CFAP65: variants seen among roughly 807,000 people sequenced by gnomAD.
The protein encoded by CFAP65 is cilia and flagella associated protein 65, also known as cilia- and flagella-associated protein 65.
CFAP65 carries 155 observed loss-of-function variants against 208.0 expected under a neutral mutation model. The ratio of observed to expected loss-of-function variants is 0.75; its 90% CI spans 0.65 to 0.85. The LOEUF (loss-of-function observed/expected upper bound fraction) is 0.85. Ranked by LOEUF, CFAP65 falls within the 40% of genes least tolerant of loss-of-function variation. CFAP65 has a pLI of 0.00. For missense variants in CFAP65, 2,294 were observed against 2,451.3 expected, an observed-to-expected ratio of 0.94 and a Z score of 1.36; for synonymous variants, 970 against 986.3, an observed-to-expected ratio of 0.98 and a Z score of 0.31.
intron 15 of CFAP65, 78 bp downstream of exon 15, chr2:219,023,937 A>G (rs1947440266): frequency 1.3e-6 from 2 of 1,526,368 alleles, no homozygotes; most frequent in African/African-American, 2.8e-5. Flanking sequence ...GGCCAACCCC[A>G]GAATATGGCC....
rs1346015344 is a variant in CFAP65 at position 219,013,586 on chromosome 2, C to T, written c.3780-1G>A. ...GTGATCAGTACCGATGAACAGGTGG[C>T]TAGAAAGAAACAGATAAGTCTGGGA... On this transcript the variant is annotated splice_acceptor_variant, in intron 22 of 34. Coordinates refer to ENST00000341552, the MANE Select transcript of CFAP65 (RefSeq NM_194302.4). LOFTEE classifies it high-confidence loss of function. The T allele has an allele frequency of 6.3e-7, 1 of 1,596,734 alleles. No individual in the cohort carries two copies. Among genetic ancestry groups the T allele is most frequent in the Admixed American group, 1.8e-5 (1 of 55,804 alleles).
intron 2 of CFAP65, among the ~76,000 whole-genome samples, chr2:219,039,494 C>T (rs1948554465): frequency 6.6e-6 from 1 of 152,216 alleles, no homozygotes; most frequent in Non-Finnish European, 1.5e-5. Flanking sequence ...TGGTTCATCT[C>T]TGATTTCCCT....
At chr2:219,039,112 C>G in intron 2 of CFAP65, 62 bp from the exon 3 acceptor site, 1 of 1,418,714 alleles carries the variant, frequency 7.0e-7, no homozygotes. Flanking sequence ...TCCTCGATGA[C>G]TGTAGCTGAA....
Position 219,029,686 on chromosome 2 carries a change from G to T in CFAP65, c.1385-18C>A. ...AGCAGGGCCTGGACACAGGAGATGG[G>T]GTATCAGCTTCCCCAAGGATATCTT... On this transcript the variant is annotated intron_variant, in intron 10 of 34. Transcript: ENST00000341552. 6.2e-7 allele frequency: 1 copy of T among 1,607,762 alleles called. No homozygotes were observed. The highest frequency in any genetic ancestry group is 8.5e-7 in the Non-Finnish European group (1 of 1,175,520).
rs1945746387 is a variant in CFAP65 at position 219,003,786 on chromosome 2, G to A, written c.5555+166C>T. On this transcript the variant is annotated intron_variant, in intron 33 of 34. Coordinates refer to ENST00000341552, the MANE Select transcript of CFAP65 (RefSeq NM_194302.4). This position sits in a 1 kb window ranked among gnomAD's most constrained non-coding sequence, Gnocchi z 4.4. ...AGAATAAAGTTCAGTGTTGGTGCCG[G>A]GCGGATACTCCCACAGAGGCCTTAA... 6.6e-6 allele frequency among the ~76,000 whole-genome samples: 1 copy of A among 152,148 alleles called. No individual in the cohort carries two copies. The highest frequency in any genetic ancestry group is 2.4e-5 in the African/African-American group (1 of 41,414).
Position 219,029,500 on chromosome 2 carries a change from G to A in CFAP65, c.1553C>T (p.Thr518Met), listed in dbSNP as rs372714264. ...GGTCATACGGGCCTTGCCCACCAGC[G>A]TCCCAAAGGCAGGCCTGATGGTAAA... ...SVFTIRPAFG[T>M]LVGKARMTLH... Residue 518 changes from threonine (T) to methionine (M), a missense_variant, in exon 11 of 35, where the codon ACG becomes ATG. Thr to Met is a moderately conservative substitution (Grantham distance 81, BLOSUM62 -1). This residue lies in a region of CFAP65 where 867 missense variants were observed against 1,012.6 expected (regional missense o/e 0.86). Coordinates refer to ENST00000341552, the MANE Select transcript of CFAP65 (RefSeq NM_194302.4). 3.3e-5 allele frequency: 53 copies of A among 1,613,958 alleles called. No homozygotes were observed. Among genetic ancestry groups the A allele is most frequent in the African/African-American group, 1.2e-4 (9 of 74,890 alleles).
At chr2:219,039,144 C>T (rs374451157) in intron 2 of CFAP65, 94 bp from the exon 3 acceptor site, 23 of 1,132,986 alleles carry the variant, frequency 2.0e-5, no homozygotes, top group African/African-American at 1.2e-4. Flanking sequence ...ATATATGTGG[C>T]ACATATATTT....
At chr2:219,019,437 G>A (rs545907021) in intron 20 of CFAP65, 69 bp downstream of exon 20, 162 of 1,355,102 alleles carry the variant, frequency 1.2e-4, no homozygotes, top group Non-Finnish European at 1.6e-4. Flanking sequence ...AGTCTGGGCA[G>A]AAAGCTCCAT....
At chr2:219,027,186 T>G (rs1947687006) in intron 13 of CFAP65, 1 of 1,238,328 alleles carries the variant, frequency 8.1e-7, no homozygotes, top group Admixed American at 3.9e-5. Flanking sequence ...CAGCCGGCAC[T>G]CGGAGTTCCC....
chr2:219,013,457 T>C (rs550758420), intron 23 of CFAP65, 62 bp downstream of exon 23: 2 of 1,556,618 alleles, frequency 1.3e-6, no homozygotes, highest in African/African-American at 2.7e-5. Flanking sequence ...TCCCTGCTCC[T>C]GTCCAGCCAG....
rs1946411621 is a variant in CFAP65 at position 219,010,678 on chromosome 2, T to A, written c.4176A>T (p.Gly1392=). ...GGAAGTGGATGAGGGCCGAGTTCCA[T>A]CCCAGGATGTGTATGGGCACGTCCA... is the stretch of plus-strand genomic sequence containing the variant. The part of the protein sequence containing the change: ...YTVDVPIHIL[G]WNSALIHFQG... Residue 1392 remains glycine (G), a synonymous_variant, in exon 26 of 35, where the codon GGA becomes GGT. Transcript: ENST00000341552. The A allele has an allele frequency of 1.2e-6, 2 of 1,609,932 alleles. No homozygotes were observed. The highest frequency in any genetic ancestry group is 2.2e-5 in the South Asian group (2 of 90,364).
chr2:219,026,078 T>C lies in CFAP65; in HGVS notation c.2293A>G (p.Ser765Gly). 6.2e-7 allele frequency: 1 copy of C among 1,614,130 alleles called. No individual in the cohort carries two copies. The highest frequency in any genetic ancestry group is 8.5e-7 in the Non-Finnish European group (1 of 1,180,028). Residue 765 changes from serine to glycine, a missense_variant, in exon 14 of 35, where the codon AGC becomes GGC. By Grantham distance (56) the Ser-to-Gly change is moderately conservative. Coordinates refer to ENST00000341552, the MANE Select transcript of CFAP65 (RefSeq NM_194302.4). ...WCLTVRARGH[S>G]YFAGFEHHIP... ...TGGTGCTCAAAGCCAGCGAAATAGCTGTGGCCTCGTGCCCGCACCGTCAGG... is the reference window on the plus strand; with the variant it reads ...TGGTGCTCAAAGCCAGCGAAATAGCCGTGGCCTCGTGCCCGCACCGTCAGG...
rs1275142711 is a variant in CFAP65 at position 219,004,949 on chromosome 2, TTCTTTCTTTCTCTC to T, written c.5051+471_5051+484del. Among the ~76,000 whole-genome samples the T allele has an allele frequency of 2.4e-4, 36 of 151,932 alleles. No homozygotes were observed. Among genetic ancestry groups the T allele is most frequent in the African/African-American group, 7.5e-4 (31 of 41,394 alleles). On this transcript the variant is annotated intron_variant, in intron 32 of 34. Coordinates refer to ENST00000341552, the MANE Select transcript of CFAP65 (RefSeq NM_194302.4). The surrounding 1 kb of genome is among the most constrained non-coding windows in gnomAD (Gnocchi z 4.7). ...TCTCTCCTCTTTTTTCTTTCTTTCT[TTCTTTCTTTCTCTC>T]TCTTTCTTTCTTTCTCTCTTTCTGT...
rs1945668385 is a variant in CFAP65, at chr2:219,002,857, G to T, written c.*80C>A. ...AAAGTCAAGGTAGATACAGAAAAAA[G>T]ACTAGATGCTTTTACTGGCGGTGGA... On this transcript the variant is annotated 3_prime_UTR_variant, in exon 35 of 35. Transcript: ENST00000341552. This position sits in a 1 kb window ranked among gnomAD's most constrained non-coding sequence, Gnocchi z 7.9. The T allele has an allele frequency of 7.8e-7, 1 of 1,284,254 alleles. No individual in the cohort carries two copies. Among genetic ancestry groups the T allele is most frequent in the Non-Finnish European group, 1.1e-6 (1 of 904,814 alleles). The allele number at this position is 1,284,254 out of a possible 1,614,324, so 79.6% of individuals were successfully genotyped here. A position where few individuals can be genotyped will look rare whatever the true frequency, so the allele number is the denominator to read the frequency against.
At position 219,003,081 on chromosome 2, in the gene CFAP65, C is replaced by G. The variant is rs890946142; in HGVS notation, c.5693+54G>C. 35 of 1,546,054 alleles carry G rather than the reference C, an allele frequency of 2.3e-5. No homozygotes were observed. In the Middle Eastern group the frequency reaches 1.0e-3, roughly 44 times the overall value. ...CGAGGCTTCGGGCAGAGCCTGGCTG[C>G]CCCCGTGGCCCCTCTCGCGCGGTCT... On this transcript the variant is annotated intron_variant, in intron 34 of 34. Coordinates refer to ENST00000341552, the MANE Select transcript of CFAP65 (RefSeq NM_194302.4). The surrounding 1 kb of genome is among the most constrained non-coding windows in gnomAD (Gnocchi z 4.4).
In CFAP65 at chr2:219,029,318, G is replaced by A; in HGVS notation, c.1650+85C>T. The A allele has an allele frequency of 2.6e-6, 4 of 1,510,228 alleles. No homozygotes were observed. The South Asian group carries it at 5.1e-5, about 19-fold the overall frequency. The allele number at this position is 1,510,228 out of a possible 1,614,324, so 93.6% of individuals were successfully genotyped here. On this transcript the variant is annotated intron_variant, in intron 11 of 34. Coordinates refer to ENST00000341552, the MANE Select transcript of CFAP65 (RefSeq NM_194302.4). Reference sequence around the variant, plus strand: ...CAGCCCTAGAAGTTCCAGAATACAGGGAAGTGCCCACCAAGCCTTGTCATC... The same window carrying A: ...CAGCCCTAGAAGTTCCAGAATACAGAGAAGTGCCCACCAAGCCTTGTCATC...
chr2:219,022,300 C>A lies in CFAP65; in HGVS notation c.2850G>T (p.Glu950Asp). ...LTLTWTFSPLEETKYLFQVGM... is the reference protein window; with the variant it reads ...LTLTWTFSPLDETKYLFQVGM... The stretch of plus-strand genomic sequence containing the variant: ...CCACTTGGAACAGGTACTTGGTCTC[C>A]TCCAAAGGGCTGAAGGTCCACGTCA... Residue 950 changes from glutamate (E) to aspartate (D), a missense_variant, in exon 17 of 35, where the codon GAG (glutamate) becomes GAT (aspartate). Coordinates refer to ENST00000341552, the MANE Select transcript of CFAP65 (RefSeq NM_194302.4). The A allele has an allele frequency of 6.2e-7, 1 of 1,606,316 alleles. No homozygotes were observed. The highest frequency in any genetic ancestry group is 2.2e-5 in the East Asian group (1 of 44,684).
Position 219,021,217 on chromosome 2 carries a change from G to C in CFAP65, c.3194C>G (p.Thr1065Ser), listed in dbSNP as rs772150096. ...PPRSQDTICL[T>S]ACPKQRSQYS... ...CTGGGACCGCTGCTTGGGACAGGCA[G>C]TCAGGCAGATGGTGTCCTGGGACCG... Residue 1065 changes from threonine to serine, a missense_variant, in exon 19 of 35, where the codon ACT (threonine) becomes AGT (serine). Coordinates refer to ENST00000341552, the MANE Select transcript of CFAP65 (RefSeq NM_194302.4). 9 of 1,608,860 alleles carry C rather than the reference G, an allele frequency of 5.6e-6. No homozygotes were observed. In the South Asian group the frequency reaches 7.8e-5, roughly 14 times the overall value.
In CFAP65 at chr2:219,003,279, G is replaced by A; in HGVS notation, c.5556-7C>T. The A allele has an allele frequency of 2.0e-6, 3 of 1,525,414 alleles. No individual in the cohort carries two copies. Among genetic ancestry groups the A allele is most frequent in the Non-Finnish European group, 2.6e-6 (3 of 1,134,244 alleles). The allele number at this position is 1,525,414 out of a possible 1,614,324, so 94.5% of individuals were successfully genotyped here. Reference sequence around the variant, plus strand: ...GTTGGCGAAGGCCGGGAGCCTGCGAGGGGGCGGGGGCTAGCATGAGGGCGG... The same window carrying A: ...GTTGGCGAAGGCCGGGAGCCTGCGAAGGGGCGGGGGCTAGCATGAGGGCGG... On this transcript the variant is annotated splice_polypyrimidine_tract_variant and splice_region_variant and intron_variant, in intron 33 of 34. Transcript: ENST00000341552. This position sits in a 1 kb window ranked among gnomAD's most constrained non-coding sequence, Gnocchi z 4.4.
Sources: gnomAD v4.1 joint callset for allele counts (sites outside exome capture counted in the v4.1 genomes callset) on GRCh38, gnomAD v4.1.1 for gene constraint, gnomAD v4.1.1 regional missense constraint, Gnocchi (gnomAD v3.1) non-coding constraint, MANE v1.5 for transcripts, NCBI Gene and HGNC (gene_info 2026-07-23, HGNC 2026-07-21) for gene names.